Variants in SLCO1B1 observed in about 807,000 individuals in gnomAD.
SLCO1B1 encodes solute carrier organic anion transporter family member 1B1.
A neutral mutation model predicts 70.1 loss-of-function variants in SLCO1B1; 81 were observed. The observed-to-expected ratio is 1.16, with a 90% confidence interval of 0.97 to 1.39. SLCO1B1 has a LOEUF of 1.39. Among genes scored for constraint, SLCO1B1 ranks in the 40% most tolerant of loss-of-function variants. The probability of loss-of-function intolerance (pLI) is 0.00; values close to 1 mark genes in which losing one functional copy is unlikely to be tolerated. For missense variants in SLCO1B1, 895 were observed against 799.6 expected (o/e 1.12, Z -1.44); for synonymous variants, 283 against 271.5 (o/e 1.04, Z -0.42).
rs558058211 is a variant in SLCO1B1 at position 21,209,450 on chromosome 12, G to A, written c.1497+3417G>A. On this transcript the variant is annotated intron_variant, in intron 11 of 14. Transcript: ENST00000256958. ...ATATGTGCCACATTTTCTTAATCCA[G>A]TCTATCACTGTTGGACATTTGGGTG... Among the ~76,000 whole-genome samples the A allele has an allele frequency of 2.6e-5, 4 of 152,216 alleles. No homozygotes were observed. In the South Asian group the frequency reaches 8.3e-4, roughly 32 times the overall value.
intron 7 of SLCO1B1, among the ~76,000 whole-genome samples, chr12:21,189,273 C>G (rs1188980073): frequency 6.6e-6 from 1 of 152,026 alleles, no homozygotes; most frequent in Non-Finnish European, 1.5e-5. Context: ...CAAACACTTT[C>G]TTTCTTAAAT....
intron 1 of SLCO1B1, among the ~76,000 whole-genome samples, chr12:21,137,241 A>C (rs1004777859): frequency 1.3e-5 from 2 of 151,942 alleles, no homozygotes; most frequent in Non-Finnish European, 2.9e-5. Context: ...GTCCGCCCCT[A>C]CTGGGGGGTG....
chr12:21,135,553 G>T lies in SLCO1B1; in HGVS notation c.-62+4317G>T, dbSNP rs7484637. 1.2e-4 allele frequency among the ~76,000 whole-genome samples: 19 copies of T among 152,122 alleles called. No individual in the cohort carries two copies. In the East Asian group the frequency reaches 1.7e-3, roughly 14 times the overall value. On this transcript the variant is annotated intron_variant, in intron 1 of 14. Coordinates refer to ENST00000256958, the MANE Select transcript of SLCO1B1 (RefSeq NM_006446.5). ...TGCATATATATTTAGGATAGTTAGC[G>T]CTTCTTGTTGAATTGATCCCTTTAC...
intron 1 of SLCO1B1, among the ~76,000 whole-genome samples, chr12:21,132,010 C>T (rs1050581527): frequency 5.3e-5 from 8 of 152,034 alleles, no homozygotes; most frequent in Non-Finnish European, 1.0e-4. Context: ...CAACAGTCCC[C>T]GGTGTGTGAT....
At chr12:21,171,726 C>T (rs1025346459) in intron 2 of SLCO1B1, among the ~76,000 whole-genome samples, 2 of 152,120 alleles carry the variant, frequency 1.3e-5, no homozygotes, top group African/African-American at 4.8e-5. Context: ...CTCACATTTC[C>T]GGAGGCTGAG....
chr12:21,239,100 A>C lies in SLCO1B1; in HGVS notation c.1987A>C (p.Ser663Arg), dbSNP rs1276119768. 1 of 1,610,824 alleles carries C rather than the reference A, an allele frequency of 6.2e-7. No individual in the cohort carries two copies. Among genetic ancestry groups the C allele is most frequent in the East Asian group, 2.2e-5 (1 of 44,760 alleles). ...EKDINASENG[S>R]VMDEANLESL... ...AGATATCAATGCATCAGAAAATGGAAGTGTCATGGATGAAGCAAACTTAGA... is the reference window on the plus strand; with the variant it reads ...AGATATCAATGCATCAGAAAATGGACGTGTCATGGATGAAGCAAACTTAGA... The change falls in exon 15 of 15, where the codon AGT becomes CGT. Residue 663 changes from serine to arginine, a missense_variant. Ser to Arg is a moderately radical substitution (Grantham distance 110, BLOSUM62 -1). Transcript: ENST00000256958.
At chr12:21,199,111 C>G (rs1015074984) in intron 8 of SLCO1B1, among the ~76,000 whole-genome samples, 1 of 151,978 alleles carries the variant, frequency 6.6e-6, no homozygotes, top group African/African-American at 2.4e-5. Flanking sequence ...TTTCTTTTCT[C>G]TAACTCCTTC....
At chr12:21,172,114 G>A (rs1261996771) in intron 2 of SLCO1B1, among the ~76,000 whole-genome samples, 4 of 152,106 alleles carry the variant, frequency 2.6e-5, no homozygotes, top group Non-Finnish European at 5.9e-5. Flanking sequence ...ATGATTAATC[G>A]ATACATTTTA....
At chr12:21,179,043 AC>A in intron 7 of SLCO1B1, 23 bp downstream of exon 7, 1 of 1,442,892 alleles carries the variant, frequency 6.9e-7, no homozygotes, top group Non-Finnish European at 9.8e-7. Flanking sequence ...AGAACAAGGT[AC>A]CATGATAACG....
intron 11 of SLCO1B1, among the ~76,000 whole-genome samples, chr12:21,208,048 T>C (rs1941234548): frequency 6.6e-6 from 1 of 152,076 alleles, no homozygotes; most frequent in Admixed American, 6.6e-5. Context: ...ATTAGTCCTG[T>C]GTTAGATGCA....
At chr12:21,155,872 C>G (rs1225180998) in intron 2 of SLCO1B1, among the ~76,000 whole-genome samples, 1 of 152,142 alleles carries the variant, frequency 6.6e-6, no homozygotes, top group African/African-American at 2.4e-5. Flanking sequence ...GGCTAGTCAG[C>G]CTTTCCTCCT....
At position 21,214,607 on chromosome 12, in the gene SLCO1B1, G is replaced by T. The variant is rs192715866; in HGVS notation, c.1498-2512G>T. Among the ~76,000 whole-genome samples the T allele has an allele frequency of 2.1e-3, 286 of 133,344 alleles. 3 individuals are homozygous for T. The highest frequency in any genetic ancestry group is 7.2e-3 in the African/African-American group (271 of 37,630). The allele number at this position is 133,344 out of a possible 152,430, so 87.5% of individuals were successfully genotyped here. Reference sequence around the variant, plus strand: ...GGCTCCGCCCACTTCGAGCTTCCAGGCCGCTTTGTTTTTCCTAATCAAGCC... The same window carrying T: ...GGCTCCGCCCACTTCGAGCTTCCAGTCCGCTTTGTTTTTCCTAATCAAGCC... On this transcript the variant is annotated intron_variant, in intron 11 of 14. Transcript: ENST00000256958.
chr12:21,230,048 G>C (rs1416555517), intron 14 of SLCO1B1, among the ~76,000 whole-genome samples: 1 of 152,046 alleles, frequency 6.6e-6, no homozygotes, highest in East Asian at 1.9e-4. Flanking sequence ...CCTATTCCAA[G>C]TTTAATGGGA....
At position 21,174,733 on chromosome 12, in the gene SLCO1B1, C is replaced by A. The variant is rs556583077; in HGVS notation, c.359+24C>A. On this transcript the variant is annotated intron_variant, in intron 4 of 14. Transcript: ENST00000256958. ...TAGTAAGTGTTAAAAAAAAAAAAAA[C>A]CTCTGTGCCACTATCAGTACCTTGT... The A allele has an allele frequency of 9.7e-6, 12 of 1,242,898 alleles. No individual in the cohort carries two copies. The Admixed American group carries it at 1.7e-4, about 18-fold the overall frequency. The allele number at this position is 1,242,898 out of a possible 1,614,324, so 77.0% of individuals were successfully genotyped here.
intron 7 of SLCO1B1, among the ~76,000 whole-genome samples, chr12:21,196,156 G>T (rs1202116134): frequency 1.3e-5 from 2 of 152,062 alleles, no homozygotes; most frequent in Non-Finnish European, 2.9e-5. Context: ...TTCCACTAAT[G>T]GAATTGATCG....
At chr12:21,134,316 A>T (rs553720408) in intron 1 of SLCO1B1, among the ~76,000 whole-genome samples, 13 of 152,120 alleles carry the variant, frequency 8.5e-5, no homozygotes, top group Admixed American at 2.6e-4. Context: ...TTTCTCTGCC[A>T]GGCTTTGGTA....
chr12:21,145,456 C>T (rs1940368512), intron 2 of SLCO1B1, among the ~76,000 whole-genome samples: 1 of 148,506 alleles, frequency 6.7e-6, no homozygotes, highest in East Asian at 2.0e-4. Context: ...CATGCCACTT[C>T]ACCCAGCATT....
chr12:21,213,425 G>C (rs867179228), intron 11 of SLCO1B1, among the ~76,000 whole-genome samples: 26 of 151,472 alleles, frequency 1.7e-4, no homozygotes, highest in Non-Finnish European at 3.8e-4. Context: ...GGTTTCTGCC[G>C]AGAGATCCGC....
At chr12:21,153,551 C>A (rs1940501455) in intron 2 of SLCO1B1, among the ~76,000 whole-genome samples, 1 of 151,974 alleles carries the variant, frequency 6.6e-6, no homozygotes. Context: ...AATGCATATT[C>A]CATATTCTTT....
Sources: gnomAD v4.1 joint callset for allele counts (sites outside exome capture counted in the v4.1 genomes callset) on GRCh38, gnomAD v4.1.1 for gene constraint, MANE v1.5 for transcripts, NCBI Gene and HGNC (gene_info 2026-07-23, HGNC 2026-07-21) for gene names.